NELL2: variants seen among roughly 807,000 people sequenced by gnomAD.
The protein encoded by NELL2 is protein kinase C-binding protein NELL2.
NELL2 carries 41 observed loss-of-function variants against 109.6 expected under a neutral mutation model. The observed-to-expected ratio is 0.37, with a 90% CI of 0.29 to 0.49. The LOEUF (loss-of-function observed/expected upper bound fraction) is 0.49, where lower values mean the gene tolerates loss of function less well. Ranked by LOEUF, NELL2 falls within the 20% of genes least tolerant of loss-of-function variation. The pLI, the probability that NELL2 is intolerant of heterozygous loss-of-function variation, is 0.98. For missense variants in NELL2, 900 were observed against 1,008.3 expected, an observed-to-expected ratio of 0.89 and a Z score of 1.45; for synonymous variants, 355 against 344.7, an observed-to-expected ratio of 1.03 and a Z score of -0.33.
At chr12:44,740,353 A>G (rs1939886911) in intron 9 of NELL2, among the ~76,000 whole-genome samples, 1 of 152,158 alleles carries the variant, frequency 6.6e-6, no homozygotes, top group Non-Finnish European at 1.5e-5. Context: ...CACACAGAGG[A>G]GGGCAGAAAA....
intron 9 of NELL2, 199 bp downstream of exon 9, chr12:44,774,548 T>A (rs945354438): frequency 1.8e-6 from 1 of 550,576 alleles, no homozygotes; most frequent in Non-Finnish European, 3.2e-6. Context: ...CAAGAAAAAA[T>A]TGTCCTACTG....
rs780602875 is a variant in NELL2 at position 44,776,077 on chromosome 12, G to A, written c.836C>T (p.Thr279Ile). The change falls in exon 8 of 20, where the codon ACC becomes ATC. Residue 279 changes from threonine (T) to isoleucine (I), a missense_variant. By Grantham distance (89) the Thr-to-Ile change is moderately conservative. Around this residue, in one of 4 missense-constraint regions of NELL2, gnomAD observed 292 missense variants for 265.3 expected, o/e 1.10. Transcript: ENST00000429094. ...CCAGGACTCAAATTCTCGGTAGGTG[G>A]TTCCCTTCATGGTGCAAGTCCTTTC... is the stretch of plus-strand genomic sequence containing the variant. ...YCERTCTMKGTTYREFESWID... is the reference protein window; with the variant it reads ...YCERTCTMKGITYREFESWID... 6.2e-7 allele frequency: 1 copy of A among 1,614,034 alleles called. No individual in the cohort carries two copies.
chr12:44,513,949 G>GA (rs1941129673), intron 19 of NELL2, among the ~76,000 whole-genome samples: 1 of 109,902 alleles, frequency 9.1e-6, no homozygotes, highest in African/African-American at 4.2e-5. Context: ...AGAAAATAAA[G>GA]ACCAAAAAAA....
At chr12:44,903,312 A>T (rs571429305) in intron 1 of NELL2, among the ~76,000 whole-genome samples, 10 of 152,360 alleles carry the variant, frequency 6.6e-5, no homozygotes, top group African/African-American at 2.4e-4. Context: ...TGGTCATTAG[A>T]GAAATGCAAA....
intron 15 of NELL2, among the ~76,000 whole-genome samples, chr12:44,571,889 C>T (rs1943883421): frequency 6.6e-6 from 1 of 151,988 alleles, no homozygotes; most frequent in African/African-American, 2.4e-5. Context: ...CAATATTAAC[C>T]ATAAGAATTT....
chr12:44,919,603 A>C (rs1206130730), intron 1 of NELL2, among the ~76,000 whole-genome samples: 1 of 152,176 alleles, frequency 6.6e-6, no homozygotes, highest in Non-Finnish European at 1.5e-5. Context: ...CACAGAGAGA[A>C]TGCTGTGTGA....
At chr12:44,917,467 C>T (rs1007492641), upstream of NELL2, among the ~76,000 whole-genome samples, 1 of 152,160 alleles carries the variant, frequency 6.6e-6, no homozygotes, top group Admixed American at 6.5e-5. Flanking sequence ...ATGGCCAGCA[C>T]AGTGCTATCA....
intron 9 of NELL2, among the ~76,000 whole-genome samples, chr12:44,771,877 G>A (rs1941565626): frequency 6.6e-6 from 1 of 152,224 alleles, no homozygotes; most frequent in Admixed American, 6.5e-5. Context: ...AAGCAAGCCT[G>A]AAAGCATTAA....
At chr12:44,754,788 C>A (rs1197553561) in intron 9 of NELL2, among the ~76,000 whole-genome samples, 1 of 152,064 alleles carries the variant, frequency 6.6e-6, no homozygotes, top group African/African-American at 2.4e-5. Context: ...CAAATAATAA[C>A]CTATTGAAAA....
chr12:44,729,112 T>A (rs1275369831), intron 9 of NELL2, among the ~76,000 whole-genome samples: 1 of 152,122 alleles, frequency 6.6e-6, no homozygotes, highest in Non-Finnish European at 1.5e-5. Flanking sequence ...GGTGTATATA[T>A]CACCTTTAAT....
At chr12:44,618,549 C>T (rs950215901) in intron 13 of NELL2, among the ~76,000 whole-genome samples, 12 of 152,170 alleles carry the variant, frequency 7.9e-5, no homozygotes, top group Admixed American at 2.0e-4. Context: ...AAGCTTTGTC[C>T]GAACTCATTA....
intron 13 of NELL2, among the ~76,000 whole-genome samples, chr12:44,631,857 G>A (rs1289276540): frequency 6.6e-6 from 1 of 151,934 alleles, no homozygotes; most frequent in African/African-American, 2.4e-5. Context: ...TCCTAAGCCC[G>A]ATAAAGGCAT....
intron 19 of NELL2, among the ~76,000 whole-genome samples, chr12:44,512,217 T>C (rs1452222264): frequency 1.3e-5 from 2 of 152,064 alleles, no homozygotes; most frequent in Non-Finnish European, 2.9e-5. Context: ...GACCAACACA[T>C]ATATTAAAAA....
At position 44,612,753 on chromosome 12, in the gene NELL2, T is replaced by C. The variant is rs188665881; in HGVS notation, c.1445-1783A>G. Among the ~76,000 whole-genome samples, 6 of 152,118 alleles carry C rather than the reference T, an allele frequency of 3.9e-5. No homozygotes were observed. The East Asian group carries it at 9.7e-4, about 24-fold the overall frequency. ...GCCGCAGTTAATCTATAAATCTCTA[T>C]ATGGACAGCCGTAGGCCCTTAAAAC... On this transcript the variant is annotated intron_variant, in intron 13 of 19. Transcript: ENST00000429094.
At chr12:44,698,840 TTAGA>T (rs142561020) in intron 12 of NELL2, among the ~76,000 whole-genome samples, 1 of 152,264 alleles carries the variant, frequency 6.6e-6, no homozygotes, top group Non-Finnish European at 1.5e-5. Context: ...TGTCAAAGGC[TTAGA>T]TAGGAAAATC....
intron 9 of NELL2, among the ~76,000 whole-genome samples, chr12:44,733,178 C>A (rs1355031151): frequency 6.6e-6 from 1 of 151,916 alleles, no homozygotes; most frequent in Non-Finnish European, 1.5e-5. Flanking sequence ...ATAAAACTAC[C>A]ATATGCTCCA....
intron 19 of NELL2, among the ~76,000 whole-genome samples, chr12:44,510,372 A>C (rs933345360): frequency 6.6e-6 from 1 of 152,210 alleles, no homozygotes; most frequent in Non-Finnish European, 1.5e-5. Context: ...CAGCTAGTAA[A>C]TGGTAGAGCT....
At position 44,587,284 on chromosome 12, in the gene NELL2, A is replaced by AAAAAAAAAAAAAATATATATATAT; in HGVS notation, c.1663+19884_1663+19885insATATATATATATTTTTTTTTTTTT. 1.1e-3 allele frequency among the ~76,000 whole-genome samples: 76 copies of AAAAAAAAAAAAAATATATATATAT among 72,036 alleles called. 1 individual carries two copies. Among genetic ancestry groups the AAAAAAAAAAAAAATATATATATAT allele is most frequent in the Non-Finnish European group, 1.7e-3 (64 of 37,106 alleles). 47.3% of individuals were successfully genotyped at this position (72,036 alleles called of 152,430 possible). On this transcript the variant is annotated intron_variant, in intron 15 of 19. Coordinates refer to ENST00000429094, the MANE Select transcript of NELL2 (RefSeq NM_001145108.2). The stretch of plus-strand genomic sequence containing the variant: ...AAGACTCCGTCTCAAAAAAAAAAAA[A>AAAAAAAAAAAAAATATATATATAT]ATATATATATATATATATATATATT...
chr12:44,741,737 G>A (rs903533215), intron 9 of NELL2, among the ~76,000 whole-genome samples: 1 of 152,208 alleles, frequency 6.6e-6, no homozygotes, highest in Admixed American at 6.5e-5. Flanking sequence ...AAACTGCAAG[G>A]TGGCAGCGAG....
Sources: gnomAD v4.1 joint callset for allele counts (sites outside exome capture counted in the v4.1 genomes callset) on GRCh38, gnomAD v4.1.1 for gene constraint, gnomAD v4.1.1 regional missense constraint, MANE v1.5 for transcripts, NCBI Gene and HGNC (gene_info 2026-07-23, HGNC 2026-07-21) for gene names.